The following TET1 variants were observed in gnomAD, a reference collection of about 807,000 sequenced individuals.
TET1 encodes the protein methylcytosine dioxygenase TET1.
In TET1, 13 loss-of-function variants were observed where a neutral mutation model predicts 148.7. That is an observed-to-expected ratio of 0.09 (90% CI 0.06 to 0.14). TET1 has a LOEUF of 0.14. TET1 is among the 10% of genes least tolerant of loss of function. The probability of loss-of-function intolerance (pLI) is 1.00; values close to 1 mark genes in which losing one functional copy is unlikely to be tolerated. For synonymous variants in TET1, 907 were observed against 937.2 expected, an observed-to-expected ratio of 0.97 and a Z score of 0.59; for missense variants, 2,182 against 2,553.8, an observed-to-expected ratio of 0.85 and a Z score of 3.14.
intron 7 of TET1, among the ~76,000 whole-genome samples, chr10:68,671,844 G>A (rs927558241): frequency 6.6e-6 from 1 of 152,062 alleles, no homozygotes; most frequent in African/African-American, 2.4e-5. Flanking sequence ...GCCATGGCAC[G>A]ATCTCAGCTC....
chr10:68,682,978 G>A lies in TET1; in HGVS notation c.5052+5G>A. 6.2e-7 allele frequency: 1 copy of A among 1,612,388 alleles called. No individual in the cohort carries two copies. The highest frequency in any genetic ancestry group is 8.5e-7 in the Non-Finnish European group (1 of 1,179,722). The stretch of plus-strand genomic sequence containing the variant: ...ATGAATAATGGAAGCACTGTGGTAT[G>A]TACCTGTGTGAATTTGTATTCTAAA... On this transcript the variant is annotated splice_donor_5th_base_variant and intron_variant, in intron 10 of 11. Transcript: ENST00000373644.
chr10:68,688,580 A>G lies in TET1; in HGVS notation c.5404+1873A>G, dbSNP rs1247474052. Among the ~76,000 whole-genome samples the G allele has an allele frequency of 2.7e-5, 4 of 148,240 alleles. No homozygotes were observed. In the East Asian group the frequency reaches 6.1e-4, roughly 22 times the overall value. On this transcript the variant is annotated intron_variant, in intron 11 of 11. Transcript: ENST00000373644. ...CTCCCGAGTAGCTGGGACTACAGGC[A>G]CCCGCCACCACGCCTGGCTAATTTT...
chr10:68,608,707 T>C (rs7100836), intron 3 of TET1, among the ~76,000 whole-genome samples: 2,631 of 152,008 alleles, frequency 0.017, 81 homozygotes, highest in African/African-American at 0.059. Context: ...GCTAATTTTT[T>C]GTAGTTTTAG....
At chr10:68,607,633 A>G (rs1316393693) in intron 3 of TET1, among the ~76,000 whole-genome samples, 3 of 151,560 alleles carry the variant, frequency 2.0e-5, no homozygotes, top group Non-Finnish European at 4.4e-5. Flanking sequence ...AGGTTTTGCC[A>G]GGCTGGTCTA....
intron 8 of TET1, chr10:68,674,591 G>C (rs2055324288): frequency 1.9e-6 from 1 of 528,146 alleles, no homozygotes; most frequent in Non-Finnish European, 3.6e-6. Flanking sequence ...AGATGTTCAG[G>C]GGAATGATTG....
intron 3 of TET1, among the ~76,000 whole-genome samples, chr10:68,623,172 T>C (rs1374595375): frequency 6.6e-6 from 1 of 152,202 alleles, no homozygotes; most frequent in Admixed American, 6.6e-5. Context: ...CTCCAATACA[T>C]ATTAATGTGG....
intron 1 of TET1, among the ~76,000 whole-genome samples, chr10:68,566,094 A>G (rs1030715905): frequency 1.3e-5 from 2 of 152,202 alleles, no homozygotes; most frequent in Admixed American, 1.3e-4. Flanking sequence ...ATATGAAAGA[A>G]TATAGGAGAG....
chr10:68,637,317 A>C (rs2054668244), intron 3 of TET1, among the ~76,000 whole-genome samples: 1 of 152,136 alleles, frequency 6.6e-6, no homozygotes, highest in Non-Finnish European at 1.5e-5. Flanking sequence ...TAAAAAAAGA[A>C]AAATAAATTG....
chr10:68,615,356 C>CTTTCTTTT (rs1554936333), intron 3 of TET1, among the ~76,000 whole-genome samples: 2 of 145,280 alleles, frequency 1.4e-5, no homozygotes, highest in African/African-American at 5.1e-5. Context: ...CTTTTCTTTT[C>CTTTCTTTT]TTTTTTTGAG....
At chr10:68,660,722 G>A (rs978935794) in intron 6 of TET1, among the ~76,000 whole-genome samples, 2 of 151,182 alleles carry the variant, frequency 1.3e-5, no homozygotes, top group African/African-American at 2.4e-5. Flanking sequence ...GTGCAATGAC[G>A]CGATCTCAGC....
chr10:68,582,960 T>C (rs1239627000), intron 2 of TET1, among the ~76,000 whole-genome samples: 5 of 152,202 alleles, frequency 3.3e-5, no homozygotes. Context: ...TTTGTCAGTA[T>C]AAAGGCATGT....
intron 3 of TET1, among the ~76,000 whole-genome samples, chr10:68,617,090 G>GATCTCAC (rs2054303518): frequency 8.1e-6 from 1 of 124,104 alleles, no homozygotes; most frequent in Non-Finnish European, 1.6e-5. Context: ...GCAGTGGCGC[G>GATCTCAC]ATCTCACTGC....
chr10:68,616,639 G>A (rs113308843), intron 3 of TET1, among the ~76,000 whole-genome samples: 1 of 151,854 alleles, frequency 6.6e-6, no homozygotes, highest in South Asian at 2.1e-4. Context: ...GGGCTCACAC[G>A]ATCCTCTCGA....
intron 1 of TET1, among the ~76,000 whole-genome samples, chr10:68,569,197 G>A (rs1172357509): frequency 8.3e-6 from 1 of 120,826 alleles, no homozygotes; most frequent in African/African-American, 3.3e-5. Flanking sequence ...TTTTGAGATG[G>A]AGTCTAGCTC....
At chr10:68,654,638 C>T (rs36046083) in intron 6 of TET1, among the ~76,000 whole-genome samples, 27,453 of 151,756 alleles carry the variant, frequency 0.18, 3,054 homozygotes, top group African/African-American at 0.3. Flanking sequence ...AAATGAAAAA[C>T]GAAATTAAGG....
intron 2 of TET1, among the ~76,000 whole-genome samples, chr10:68,581,721 T>C (rs532518442): frequency 1.3e-5 from 2 of 152,002 alleles, no homozygotes; most frequent in East Asian, 3.9e-4. Context: ...GGCATGTGCC[T>C]ATAGTACCAG....
At chr10:68,619,155 T>C (rs1240914647) in intron 3 of TET1, among the ~76,000 whole-genome samples, 1 of 152,148 alleles carries the variant, frequency 6.6e-6, no homozygotes, top group Non-Finnish European at 1.5e-5. Context: ...TGGGTATCTT[T>C]CTAGGTATAG....
chr10:68,634,064 T>A (rs1478755961), intron 3 of TET1, among the ~76,000 whole-genome samples: 4 of 152,146 alleles, frequency 2.6e-5, no homozygotes, highest in Admixed American at 2.6e-4. Flanking sequence ...TTTAAATTTT[T>A]TGTAGATACG....
rs1316202382 is a variant in TET1 at position 68,595,949 on chromosome 10, TATATATATATATAC to T, written c.1915-5030_1915-5017del. 1.9e-3 allele frequency among the ~76,000 whole-genome samples: 57 copies of T among 30,134 alleles called. No individual in the cohort carries two copies. In the East Asian group the frequency reaches 0.03, roughly 16 times the overall value. 19.8% of individuals were successfully genotyped at this position (30,134 alleles called of 152,430 possible). ...ATATATATATATATATATATATATA[TATATATATATATAC>T]ACACACACACACACATATATACACA... On this transcript the variant is annotated intron_variant, in intron 2 of 11. Transcript: ENST00000373644.
Sources: allele counts gnomAD v4.1 joint callset (sites outside exome capture counted in the v4.1 genomes callset), GRCh38; gene constraint gnomAD v4.1.1; transcripts MANE v1.5; gene names NCBI Gene and HGNC (gene_info 2026-07-23, HGNC 2026-07-21).